The following CDH7 variants were observed in gnomAD, a reference collection of about 807,000 sequenced individuals.
CDH7 encodes cadherin 7, also known as cadherin-7.
In CDH7, 25 loss-of-function variants were observed where a neutral mutation model predicts 71.8. That is an observed-to-expected ratio of 0.35 (90% CI 0.25 to 0.49). The LOEUF (loss-of-function observed/expected upper bound fraction) is 0.49. CDH7 is among the 20% of genes least tolerant of loss of function. The pLI is 0.99. For synonymous variants in CDH7, 381 were observed against 363.8 expected (o/e 1.05, Z -0.54); for missense variants, 862 against 974.6 (o/e 0.88, Z 1.54).
intron 1 of CDH7, among the ~76,000 whole-genome samples, chr18:65,753,243 A>G (rs1373690657): frequency 6.6e-6 from 1 of 152,188 alleles, no homozygotes; most frequent in African/African-American, 2.4e-5. Context: ...TAAACTCCTC[A>G]GAGTGTATAC....
chr18:65,865,650 G>T (rs1363453183), intron 11 of CDH7: 1 of 151,984 alleles, frequency 6.6e-6, no homozygotes, highest in African/African-American at 2.4e-5. Context: ...GTCTCTTTGT[G>T]TCTTATTTCC....
At chr18:65,817,574 TAG>T (rs1231359483) in intron 4 of CDH7, among the ~76,000 whole-genome samples, 1 of 152,114 alleles carries the variant, frequency 6.6e-6, no homozygotes, top group African/African-American at 2.4e-5. Context: ...TAGAAAGAAA[TAG>T]AAACTCATTA....
chr18:65,868,395 C>T (rs995915921), intron 11 of CDH7, among the ~76,000 whole-genome samples: 13 of 152,156 alleles, frequency 8.5e-5, no homozygotes, highest in Non-Finnish European at 1.6e-4. Context: ...CAAAAAGTTA[C>T]AGAATGAACA....
At chr18:65,832,332 G>A in intron 6 of CDH7, among the ~76,000 whole-genome samples, 1 of 151,520 alleles carries the variant, frequency 6.6e-6, no homozygotes. Context: ...GAAGAGAAAA[G>A]CAGAAAAAAA....
chr18:65,818,096 G>A (rs1042702026), intron 4 of CDH7, among the ~76,000 whole-genome samples: 1 of 152,026 alleles, frequency 6.6e-6, no homozygotes, highest in African/African-American at 2.4e-5. Context: ...GTTACAAATT[G>A]TACTCATAAT....
intron 7 of CDH7, among the ~76,000 whole-genome samples, chr18:65,857,016 TAAAAA>T (rs5825658): frequency 1.4e-5 from 2 of 144,720 alleles, no homozygotes; most frequent in African/African-American, 5.1e-5. Flanking sequence ...GAGTAAGATT[TAAAAA>T]AAAAAAAAAG....
At chr18:65,771,922 G>C (rs1296864488) in intron 2 of CDH7, among the ~76,000 whole-genome samples, 1 of 152,116 alleles carries the variant, frequency 6.6e-6, no homozygotes, top group Non-Finnish European at 1.5e-5. Context: ...AAATGCGGAA[G>C]AGTAATTTCT....
intron 6 of CDH7, among the ~76,000 whole-genome samples, chr18:65,836,642 T>A (rs1030498226): frequency 1.3e-5 from 2 of 151,700 alleles, no homozygotes; most frequent in Non-Finnish European, 2.9e-5. Flanking sequence ...CTGCAAATGT[T>A]TGTTCATGTT....
intron 3 of CDH7, among the ~76,000 whole-genome samples, chr18:65,812,695 G>A (rs1022278164): frequency 2.6e-5 from 4 of 152,256 alleles, no homozygotes; most frequent in Admixed American, 1.3e-4. Flanking sequence ...GAATATGTGT[G>A]TGTATCTGGT....
rs938662858 is a variant in CDH7, at chr18:65,881,838, T to C, written c.*944T>C. The C allele has an allele frequency of 6.6e-5, 10 of 152,144 alleles. No homozygotes were observed. Among genetic ancestry groups the C allele is most frequent in the African/African-American group, 2.4e-4 (10 of 41,442 alleles). 9.4% of individuals were successfully genotyped at this position (152,144 alleles called of 1,614,324 possible). A position where few individuals can be genotyped will look rare whatever the true frequency, so the allele number is the denominator to read the frequency against. On this transcript the variant is annotated 3_prime_UTR_variant, in exon 12 of 12. Transcript: ENST00000397968. ...ATGAAGCATGGAAATGGAGAACTAA[T>C]AGTAAAGCAATTGAGCCCTGTTGCA... is the stretch of plus-strand genomic sequence containing the variant.
chr18:65,880,320 G>A, intron 11 of CDH7, 81 bp from the exon 12 acceptor site: 4 of 1,389,460 alleles, frequency 2.9e-6, no homozygotes, highest in Non-Finnish European at 3.9e-6. Context: ...CTGTAACTCA[G>A]CGTCCTAGGC....
intron 1 of CDH7, among the ~76,000 whole-genome samples, chr18:65,758,540 A>T (rs1208873202): frequency 6.6e-6 from 1 of 152,210 alleles, no homozygotes; most frequent in East Asian, 1.9e-4. Context: ...AGTGCATTCC[A>T]CAAAGAGTAT....
At chr18:65,872,942 A>G (rs1350360751) in intron 11 of CDH7, among the ~76,000 whole-genome samples, 1 of 151,886 alleles carries the variant, frequency 6.6e-6, no homozygotes, top group Non-Finnish European at 1.5e-5. Context: ...ATTTAAAAAA[A>G]TTTAAAAAAC....
chr18:65,840,265 T>G (rs560063659), intron 6 of CDH7, among the ~76,000 whole-genome samples: 15 of 152,342 alleles, frequency 9.8e-5, no homozygotes, highest in Non-Finnish European at 5.9e-5. Flanking sequence ...TCTCTTTTAG[T>G]GTCTCTAACA....
At chr18:65,834,735 T>C (rs1912473910) in intron 6 of CDH7, among the ~76,000 whole-genome samples, 1 of 152,174 alleles carries the variant, frequency 6.6e-6, no homozygotes, top group African/African-American at 2.4e-5. Flanking sequence ...CTGGAGCTCT[T>C]GCTGAGTTCA....
At chr18:65,828,425 A>G (rs1912211981) in intron 6 of CDH7, among the ~76,000 whole-genome samples, 1 of 152,008 alleles carries the variant, frequency 6.6e-6, no homozygotes, top group Admixed American at 6.6e-5. Context: ...TAAATATATT[A>G]CTCTTTTTGG....
Position 65,771,597 on chromosome 18 carries a change from G to A in CDH7, c.210+8545G>A, listed in dbSNP as rs1304131582. On this transcript the variant is annotated intron_variant, in intron 2 of 11. Coordinates refer to ENST00000397968, the MANE Select transcript of CDH7 (RefSeq NM_004361.5). ...AGGCTGAGGAAGAAGAATCACTTGA[G>A]CCCGAGAGATGGAGGCTGCAGTGAG... 3.3e-5 allele frequency among the ~76,000 whole-genome samples: 5 copies of A among 152,066 alleles called. No individual in the cohort carries two copies. The East Asian group carries it at 9.7e-4, about 29-fold the overall frequency.
Position 65,857,948 on chromosome 18 carries a change from G to C in CDH7, c.1368G>C (p.Glu456Asp). The C allele has an allele frequency of 6.2e-7, 1 of 1,613,126 alleles. No homozygotes were observed. Among genetic ancestry groups the C allele is most frequent in the Non-Finnish European group, 8.5e-7 (1 of 1,179,424 alleles). ...AIHNITVLAM[E>D]SQNPSQVGRG... Reference sequence around the variant, plus strand: ...ACAATATCACAGTCCTTGCAATGGAGAGCCGTAAGTTGTGAGGCTTAAAAC... The same window carrying C: ...ACAATATCACAGTCCTTGCAATGGACAGCCGTAAGTTGTGAGGCTTAAAAC... Residue 456 changes from glutamate to aspartate, a missense_variant, in exon 8 of 12, where the codon GAG becomes GAC. Physicochemically the swap from Glu to Asp is conservative, Grantham distance 45 (BLOSUM62 2). Transcript: ENST00000397968.
intron 2 of CDH7, among the ~76,000 whole-genome samples, chr18:65,797,085 G>A (rs1910944275): frequency 6.6e-6 from 1 of 152,078 alleles, no homozygotes; most frequent in South Asian, 2.1e-4. Flanking sequence ...ACTCTCTCCA[G>A]GTGGTGTTAG....
Sources: gnomAD v4.1 joint callset for allele counts (sites outside exome capture counted in the v4.1 genomes callset) on GRCh38, gnomAD v4.1.1 for gene constraint, MANE v1.5 for transcripts, NCBI Gene and HGNC (gene_info 2026-07-23, HGNC 2026-07-21) for gene names.